FBXL17: variants seen among roughly 807,000 people sequenced by gnomAD.
FBXL17 encodes the protein F-box/LRR-repeat protein 17.
FBXL17 carries 22 observed loss-of-function variants against 66.2 expected under a neutral mutation model. That is an observed-to-expected ratio of 0.33 (90% confidence interval 0.24 to 0.47). The LOEUF is 0.47. Among genes scored for constraint, FBXL17 ranks in the 20% least tolerant of loss-of-function variants. The probability of loss-of-function intolerance (pLI) is 1.00; values close to 1 mark genes in which losing one functional copy is unlikely to be tolerated. For missense variants in FBXL17, 878 were observed against 948.2 expected (o/e 0.93, Z 0.97); for synonymous variants, 474 against 400.5 (o/e 1.18, Z -2.19).
chr5:108,204,115 A>C (rs1754011326), intron 5 of FBXL17, among the ~76,000 whole-genome samples: 1 of 152,126 alleles, frequency 6.6e-6, no homozygotes, highest in Admixed American at 6.6e-5. Flanking sequence ...TACTCGGTTA[A>C]TGTTTGTAAG....
chr5:108,334,676 T>C (rs1580837933), intron 4 of FBXL17, among the ~76,000 whole-genome samples: 1 of 152,334 alleles, frequency 6.6e-6, no homozygotes, highest in East Asian at 1.9e-4. Flanking sequence ...GCAAACTTCA[T>C]GGTGGTTACT....
At chr5:108,161,832 A>C (rs1752230815) in intron 6 of FBXL17, among the ~76,000 whole-genome samples, 1 of 152,216 alleles carries the variant, frequency 6.6e-6, no homozygotes, top group Non-Finnish European at 1.5e-5. Flanking sequence ...AAGAGCAATG[A>C]TCTTAGACAT....
chr5:108,378,845 A>G (rs1010890125), intron 1 of FBXL17, among the ~76,000 whole-genome samples: 1 of 152,182 alleles, frequency 6.6e-6, no homozygotes, highest in African/African-American at 2.4e-5. Context: ...GCACCCAAAA[A>G]CTGGGGTTGG....
intron 4 of FBXL17, among the ~76,000 whole-genome samples, chr5:108,278,313 A>T (rs1288257493): frequency 6.6e-6 from 1 of 152,214 alleles, no homozygotes; most frequent in Non-Finnish European, 1.5e-5. Context: ...AAGAAACAGT[A>T]AGATGCTATT....
chr5:107,893,992 T>C (rs970026114), intron 7 of FBXL17, among the ~76,000 whole-genome samples: 1 of 152,190 alleles, frequency 6.6e-6, no homozygotes, highest in African/African-American at 2.4e-5. Flanking sequence ...CAGTTGTTAA[T>C]ACCAAGCAAA....
intron 4 of FBXL17, among the ~76,000 whole-genome samples, chr5:108,325,472 T>G (rs1759806338): frequency 6.6e-6 from 1 of 152,124 alleles, no homozygotes; most frequent in African/African-American, 2.4e-5. Context: ...ATGGAAAACT[T>G]GAAAAATAAG....
At chr5:108,024,740 T>G (rs936671097) in intron 6 of FBXL17, among the ~76,000 whole-genome samples, 1 of 152,198 alleles carries the variant, frequency 6.6e-6, no homozygotes, top group South Asian at 2.1e-4. Context: ...TTGATAATAA[T>G]GTAATTTTAT....
chr5:107,948,372 C>T (rs1713263461), intron 7 of FBXL17, among the ~76,000 whole-genome samples: 1 of 152,168 alleles, frequency 6.6e-6, no homozygotes, highest in Non-Finnish European at 1.5e-5. Flanking sequence ...ACCTGGGAGT[C>T]ACCCTGGACT....
chr5:107,933,709 C>T (rs1001002511), intron 7 of FBXL17, among the ~76,000 whole-genome samples: 3 of 152,094 alleles, frequency 2.0e-5, no homozygotes, highest in Non-Finnish European at 4.4e-5. Flanking sequence ...TCTTGGCTTG[C>T]CATTCCTCCT....
At chr5:108,150,204 A>G (rs915924374) in intron 6 of FBXL17, among the ~76,000 whole-genome samples, 2 of 152,138 alleles carry the variant, frequency 1.3e-5, no homozygotes, top group Non-Finnish European at 2.9e-5. Flanking sequence ...TATCATTATC[A>G]TACCCAAGAA....
chr5:108,210,236 T>C (rs1455233838), intron 5 of FBXL17, among the ~76,000 whole-genome samples: 1 of 152,198 alleles, frequency 6.6e-6, no homozygotes, highest in African/African-American at 2.4e-5. Context: ...GGTCTATCTA[T>C]TTTGTTGATC....
At chr5:108,210,455 T>C (rs1369294179) in intron 5 of FBXL17, among the ~76,000 whole-genome samples, 1 of 152,220 alleles carries the variant, frequency 6.6e-6, no homozygotes, top group East Asian at 1.9e-4. Flanking sequence ...TTTAGTGCTA[T>C]AAACTTCCCT....
intron 6 of FBXL17, among the ~76,000 whole-genome samples, chr5:108,147,903 T>C (rs1020758519): frequency 2.0e-5 from 3 of 151,130 alleles, no homozygotes; most frequent in African/African-American, 7.3e-5. Flanking sequence ...GTATCCTCAA[T>C]GAGCTGAAAA....
Position 108,279,579 on chromosome 5 carries a change from C to T in FBXL17, c.1507-55351G>A, listed in dbSNP as rs1376107473. Among the ~76,000 whole-genome samples the T allele has an allele frequency of 2.6e-5, 4 of 151,076 alleles. No homozygotes were observed. In the South Asian group the frequency reaches 6.3e-4, roughly 24 times the overall value. On this transcript the variant is annotated intron_variant, in intron 4 of 8. Transcript: ENST00000542267. Reference sequence around the variant, plus strand: ...AAAAAAAAAAAAAGTAATATGACACCCCTAAAGAAGCACAATAATTCTCTA... The same window carrying T: ...AAAAAAAAAAAAAGTAATATGACACTCCTAAAGAAGCACAATAATTCTCTA...
At chr5:108,151,465 T>A (rs1401691539) in intron 6 of FBXL17, among the ~76,000 whole-genome samples, 1 of 152,208 alleles carries the variant, frequency 6.6e-6, no homozygotes, top group East Asian at 1.9e-4. Flanking sequence ...GCTGTGGATC[T>A]TACTTTATCA....
intron 7 of FBXL17, among the ~76,000 whole-genome samples, chr5:108,009,263 ATATATATATAT>A (rs1754068897): frequency 2.7e-5 from 1 of 36,458 alleles, no homozygotes; most frequent in African/African-American, 1.2e-4. Flanking sequence ...TCCCTGTTTT[ATATATATATAT>A]ATATATATAT....
At chr5:108,334,170 C>T (rs1386706754) in intron 4 of FBXL17, among the ~76,000 whole-genome samples, 1 of 152,056 alleles carries the variant, frequency 6.6e-6, no homozygotes, top group African/African-American at 2.4e-5. Context: ...TAAATAAACA[C>T]CTAAATTGCC....
rs1036752083 is a variant in FBXL17 at position 108,081,981 on chromosome 5, T to C, written c.1746-60980A>G. On this transcript the variant is annotated intron_variant, in intron 6 of 8. Transcript: ENST00000542267. ...AGAAGGAAAGAGTTAAGCCTAACTC[T>C]CAACTCTTCATAGAGCATAGATAAG... Among the ~76,000 whole-genome samples, 9 of 152,086 alleles carry C rather than the reference T, an allele frequency of 5.9e-5. 1 individual carries two copies. In the South Asian group the frequency reaches 1.9e-3, roughly 32 times the overall value.
chr5:108,021,033 C>T lies in FBXL17; in HGVS notation c.1746-32G>A, dbSNP rs765649998. On this transcript the variant is annotated intron_variant, in intron 6 of 8. Transcript: ENST00000542267. ...CATACAAAAAGTGGTTATACTAATG[C>T]GTTTCAAGTTAAATTAGCAGGGGTT... 42 of 1,509,688 alleles carry T rather than the reference C, an allele frequency of 2.8e-5. 1 individual carries two copies. The highest frequency in any genetic ancestry group is 2.7e-4 in the East Asian group (12 of 44,150). The allele number at this position is 1,509,688 out of a possible 1,614,324, so 93.5% of individuals were successfully genotyped here. A position where few individuals can be genotyped will look rare whatever the true frequency, so the allele number is the denominator to read the frequency against.
Sources: allele counts gnomAD v4.1 joint callset (sites outside exome capture counted in the v4.1 genomes callset), GRCh38; gene constraint gnomAD v4.1.1; transcripts MANE v1.5; gene names NCBI Gene and HGNC (gene_info 2026-07-23, HGNC 2026-07-21).